TLN1: variants seen among roughly 807,000 people sequenced by gnomAD.
TLN1 encodes talin-1.
Under a neutral mutation model 292.3 loss-of-function variants are expected in TLN1, and 56 were observed. That is an observed-to-expected ratio of 0.19 (90% CI 0.15 to 0.24). TLN1 has a LOEUF of 0.24. Ranked by LOEUF, TLN1 falls within the 10% of genes least tolerant of loss-of-function variation. The probability of loss-of-function intolerance (pLI) is 1.00; values close to 1 mark genes in which losing one functional copy is unlikely to be tolerated. For missense variants in TLN1, 2,433 were observed against 3,248.2 expected, an observed-to-expected ratio of 0.75 and a Z score of 6.10; for synonymous variants, 1,119 against 1,253.7, an observed-to-expected ratio of 0.89 and a Z score of 2.27.
chr9:35,713,778 A>G (rs1332978674), intron 25 of TLN1, among the ~76,000 whole-genome samples, 175 bp downstream of exon 25: 1 of 151,756 alleles, frequency 6.6e-6, no homozygotes, highest in Admixed American at 6.6e-5. Flanking sequence ...GGAAGAAAGA[A>G]GGAAGGAGAG....
At chr9:35,713,350 A>C (rs1190316001) in intron 25 of TLN1, 52 bp from the exon 26 acceptor site, 1 of 1,454,848 alleles carries the variant, frequency 6.9e-7, no homozygotes, top group African/African-American at 1.4e-5. Flanking sequence ...GGTGAGGAGA[A>C]GGAACCTGAG....
chr9:35,718,943 C>T (rs1309632536), intron 16 of TLN1, 33 bp from the exon 17 acceptor site: 1 of 1,607,024 alleles, frequency 6.2e-7, no homozygotes, highest in Non-Finnish European at 8.5e-7. Context: ...AGAAGCTGCC[C>T]AATCCCTGCC....
intron 10 of TLN1, 120 bp from the exon 11 acceptor site, chr9:35,721,033 G>A (rs1437064828): frequency 1.2e-5 from 8 of 670,446 alleles, no homozygotes; most frequent in Non-Finnish European, 1.8e-5. Flanking sequence ...CGGCCCTCTT[G>A]GAAGATGCCC....
chr9:35,697,731 G>C lies in TLN1; in HGVS notation c.*60C>G. ...AGGTTGGGCCCCGACAGCCCAGAAG[G>C]CTTTGGTAGTGGCACGCACAGTCTC... On this transcript the variant is annotated 3_prime_UTR_variant, in exon 57 of 57. Coordinates refer to ENST00000314888, the MANE Select transcript of TLN1 (RefSeq NM_006289.4). 1.3e-6 allele frequency: 2 copies of C among 1,595,684 alleles called. No homozygotes were observed. Among genetic ancestry groups the C allele is most frequent in the Non-Finnish European group, 1.7e-6 (2 of 1,169,782 alleles).
chr9:35,720,634 T>TC, intron 11 of TLN1, 125 bp from the exon 12 acceptor site: 3 of 1,117,318 alleles, frequency 2.7e-6, no homozygotes, highest in Non-Finnish European at 3.8e-6. Context: ...TTTTTCTTTT[T>TC]TTTTTTTTTT....
chr9:35,697,982 C>A, intron 56 of TLN1, 62 bp downstream of exon 56: 1 of 1,613,788 alleles, frequency 6.2e-7, no homozygotes, highest in Non-Finnish European at 8.5e-7. Flanking sequence ...GTAGTTGGGA[C>A]CAGCGCAGGC....
chr9:35,725,547 C>A lies in TLN1; in HGVS notation c.130+18G>T, dbSNP rs747837971. The stretch of plus-strand genomic sequence containing the variant: ...GACTGAAGACTCCCACTCCAGCCAC[C>A]GGGGGAGTCAGACTCACGAGGACCA... On this transcript the variant is annotated intron_variant, in intron 2 of 56. Coordinates refer to ENST00000314888, the MANE Select transcript of TLN1 (RefSeq NM_006289.4). The A allele has an allele frequency of 6.2e-7, 1 of 1,608,786 alleles. No homozygotes were observed. The highest frequency in any genetic ancestry group is 2.2e-5 in the East Asian group (1 of 44,720).
rs1000925805 is a variant in TLN1, at chr9:35,711,152, T to C, written c.4020-70A>G. On this transcript the variant is annotated intron_variant, in intron 30 of 56. Coordinates refer to ENST00000314888, the MANE Select transcript of TLN1 (RefSeq NM_006289.4). ...TTCCTGGGTCCTATGTAAGTATTTA[T>C]CTTTTGCCTATAACCATTCCTAAGC... The C allele has an allele frequency of 1.9e-6, 3 of 1,610,286 alleles. No homozygotes were observed. The East Asian group carries it at 6.7e-5, about 36-fold the overall frequency.
At chr9:35,728,502 A>G (rs548068127) in intron 1 of TLN1, among the ~76,000 whole-genome samples, 1 of 152,162 alleles carries the variant, frequency 6.6e-6, no homozygotes. Flanking sequence ...CCCCCGGTAC[A>G]GCCCCTCCAT....
At chr9:35,726,920 C>T (rs1251107659) in intron 1 of TLN1, among the ~76,000 whole-genome samples, 2 of 152,242 alleles carry the variant, frequency 1.3e-5, no homozygotes, top group Non-Finnish European at 2.9e-5. Context: ...CTCAGTCCTG[C>T]AACTCCTCCC....
In TLN1 at chr9:35,710,593, C is replaced by T. The variant is rs749855173; in HGVS notation, c.4294G>A (p.Ala1432Thr). 1 of 1,613,960 alleles carries T rather than the reference C, an allele frequency of 6.2e-7. No homozygotes were observed. Among genetic ancestry groups the T allele is most frequent in the South Asian group, 1.1e-5 (1 of 91,070 alleles). The change falls in exon 33 of 57, where the codon GCA (alanine) becomes ACA (threonine). Residue 1432 changes from alanine to threonine, a missense_variant. Around this residue, in one of 7 missense-constraint regions of TLN1, gnomAD observed 1,384 missense variants for 1,699.6 expected, o/e 0.81. Transcript: ENST00000314888. The stretch of plus-strand genomic sequence containing the variant: ...GCTGCCTCGGTGAAGCCACAAAGTG[C>T]CTTTGAGGCTGTGGAAATGGCATCT... ...FGDAISTASK[A>T]LCGFTEAAAQ...
Position 35,719,683 on chromosome 9 carries a change from C to T in TLN1, c.1579-56G>A, listed in dbSNP as rs1009188467. 3.7e-6 allele frequency: 6 copies of T among 1,612,024 alleles called. No homozygotes were observed. The highest frequency in any genetic ancestry group is 5.1e-6 in the Non-Finnish European group (6 of 1,178,170). On this transcript the variant is annotated intron_variant, in intron 14 of 56. Transcript: ENST00000314888. The surrounding 1 kb of genome is among the most constrained non-coding windows in gnomAD (Gnocchi z 4.6). ...TGCCCTGGTTTGGTTCACCTCATCC[C>T]TATCCCTTGGAGTCTCAGCTTCAGT...
intron 9 of TLN1, 139 bp downstream of exon 9, chr9:35,721,980 T>A (rs1825885449): frequency 8.8e-7 from 1 of 1,142,774 alleles, no homozygotes; most frequent in Non-Finnish European, 1.3e-6. Context: ...CAGGTTTTCA[T>A]GAGGTCAGAG....
Position 35,717,486 on chromosome 9 carries a change from T to G in TLN1, c.2164-46A>C, listed in dbSNP as rs1428977129. The G allele has an allele frequency of 6.3e-7, 1 of 1,593,810 alleles. No individual in the cohort carries two copies. The highest frequency in any genetic ancestry group is 1.1e-5 in the South Asian group (1 of 88,516). On this transcript the variant is annotated intron_variant, in intron 18 of 56. Coordinates refer to ENST00000314888, the MANE Select transcript of TLN1 (RefSeq NM_006289.4). This position sits in a 1 kb window ranked among gnomAD's most constrained non-coding sequence, Gnocchi z 4.7. ...AGAGACGTAGGCAAGGGAAAGGAGG[T>G]AGAGTATGCTGCTCATAGCAGTAAC...
chr9:35,727,473 A>C (rs969853101), intron 1 of TLN1, among the ~76,000 whole-genome samples: 86 of 152,184 alleles, frequency 5.7e-4, no homozygotes, highest in African/African-American at 2.0e-3. Context: ...TGACCTTACA[A>C]GCAGTCCAGA....
At position 35,713,969 on chromosome 9, in the gene TLN1, G is replaced by A. The variant is rs1388405468; in HGVS notation, c.3233C>T (p.Pro1078Leu). The A allele has an allele frequency of 1.2e-6, 2 of 1,614,114 alleles. No homozygotes were observed. The highest frequency in any genetic ancestry group is 1.7e-6 in the Non-Finnish European group (2 of 1,180,026). The stretch of plus-strand genomic sequence containing the variant: ...CATACTTACTGTCTCCCCAGGTAAG[G>A]GTTTAAGCTTGCCATCTCGAGCTGC... Reference protein sequence around the residue: ...KAAARDGKLKPLPGETMEKCT... With the variant: ...KAAARDGKLKLLPGETMEKCT... The change falls in exon 25 of 57, where the codon CCC becomes CTC. Residue 1078 changes from proline to leucine, a missense_variant. Pro to Leu is a moderately conservative substitution (Grantham distance 98). Around this residue, in one of 7 missense-constraint regions of TLN1, gnomAD observed 1,384 missense variants for 1,699.6 expected, o/e 0.81. Coordinates refer to ENST00000314888, the MANE Select transcript of TLN1 (RefSeq NM_006289.4).
rs1587973934 is a variant in TLN1 at position 35,697,563 on chromosome 9, A to G, written c.*228T>C. 1 of 591,388 alleles carries G rather than the reference A, an allele frequency of 1.7e-6. No individual in the cohort carries two copies. The allele number at this position is 591,388 out of a possible 1,614,324, so 36.6% of individuals were successfully genotyped here. ...TTAATAATACTCTTGGAGCGTTAAT[A>G]CTCTGGGGAGGGGCAGGCACTTGGG... On this transcript the variant is annotated 3_prime_UTR_variant, in exon 57 of 57. Coordinates refer to ENST00000314888, the MANE Select transcript of TLN1 (RefSeq NM_006289.4).
Position 35,706,060 on chromosome 9 carries a change from C to T in TLN1, c.5413G>A (p.Glu1805Lys), listed in dbSNP as rs767833622. ...GTTGTTGTCAGGTCCTCTACGGCCT[C>T]GGTCATCATCTGCACAGCCTCCTCC... ...ALEEAVQMMTEAVEDLTTTLN... is the reference protein window; with the variant it reads ...ALEEAVQMMTKAVEDLTTTLN... Residue 1805 changes from glutamate to lysine, a missense_variant, in exon 41 of 57, where the codon GAG becomes AAG. Glu to Lys is a moderately conservative substitution (Grantham distance 56, BLOSUM62 1). Around this residue, in one of 7 missense-constraint regions of TLN1, gnomAD observed 1,384 missense variants for 1,699.6 expected, o/e 0.81. Transcript: ENST00000314888. This position sits in a 1 kb window ranked among gnomAD's most constrained non-coding sequence, Gnocchi z 4.2. The T allele has an allele frequency of 1.2e-6, 2 of 1,614,192 alleles. No homozygotes were observed.
chr9:35,731,262 A>G (rs1028518595), intron 1 of TLN1, among the ~76,000 whole-genome samples: 8 of 151,976 alleles, frequency 5.3e-5, no homozygotes, highest in African/African-American at 1.9e-4. Context: ...TCAAACCACA[A>G]CCCCTAAAGC....
Sources: allele counts gnomAD v4.1 joint callset (sites outside exome capture counted in the v4.1 genomes callset), GRCh38; gene constraint gnomAD v4.1.1; regional missense constraint gnomAD v4.1.1; non-coding constraint Gnocchi (gnomAD v3.1); transcripts MANE v1.5; gene names NCBI Gene and HGNC (gene_info 2026-07-23, HGNC 2026-07-21).